Variants in RPL5 observed in about 807,000 individuals in gnomAD.
The protein encoded by RPL5 is large ribosomal subunit protein uL18.
A neutral mutation model predicts 38.4 loss-of-function variants in RPL5; 1 was observed. The ratio of observed to expected loss-of-function variants is 0.03; its 90% CI spans 0.01 to 0.12. RPL5 has a LOEUF of 0.12. RPL5 is among the 10% of genes least tolerant of loss of function. RPL5 has a pLI of 1.00. For missense variants in RPL5, 243 were observed against 374.1 expected, an observed-to-expected ratio of 0.65 and a Z score of 2.89; for synonymous variants, 109 against 121.2, an observed-to-expected ratio of 0.90 and a Z score of 0.66.
intron 5 of RPL5, chr1:92,836,666 A>C: frequency 2.4e-6 from 1 of 422,274 alleles, no homozygotes; most frequent in Non-Finnish European, 4.4e-6. Flanking sequence ...ATATGACTTA[A>C]TTCTTATTAG....
rs754061218 is a variant in RPL5 at position 92,832,098 on chromosome 1, G to T, written c.-17G>T. ...AGGTCTCTGTCGAGCAGCGGACGCCGGTCTCTGTTCCGCAGGATGGTGAGT... is the reference window on the plus strand; with the variant it reads ...AGGTCTCTGTCGAGCAGCGGACGCCTGTCTCTGTTCCGCAGGATGGTGAGT... On this transcript the variant is annotated 5_prime_UTR_variant, in exon 1 of 8. Coordinates refer to ENST00000370321, the MANE Select transcript of RPL5 (RefSeq NM_000969.5). 1 of 1,614,076 alleles carries T rather than the reference G, an allele frequency of 6.2e-7. No homozygotes were observed. The highest frequency in any genetic ancestry group is 1.7e-5 in the Admixed American group (1 of 60,008).
At position 92,836,330 on chromosome 1, in the gene RPL5, T is replaced by A. The variant is rs1687123514; in HGVS notation, c.465T>A (p.Thr155=). Residue 155 remains threonine (T), a synonymous_variant, in exon 5 of 8, where the codon ACT becomes ACA. Coordinates refer to ENST00000370321, the MANE Select transcript of RPL5 (RefSeq NM_000969.5). The stretch of plus-strand genomic sequence containing the variant: ...ATGCAGGCCTTGCCAGAACTACCAC[T>A]GGCAATAAAGTTTTTGGTGCCCTGA... ...YLDAGLARTT[T]GNKVFGALKG... is the part of the protein sequence containing the mutation. 6.2e-7 allele frequency: 1 copy of A among 1,614,070 alleles called. No individual in the cohort carries two copies. The highest frequency in any genetic ancestry group is 1.1e-5 in the South Asian group (1 of 91,086).
chr1:92,832,304 G>A (rs771761614), intron 1 of RPL5, 187 bp downstream of exon 1: 1 of 892,894 alleles, frequency 1.1e-6, no homozygotes, highest in Non-Finnish European at 1.8e-6. Context: ...GCGAACTTGG[G>A]GGGAGGGGTT....
intron 1 of RPL5, chr1:92,832,342 C>T (rs1306369819): frequency 2.9e-6 from 2 of 690,942 alleles, no homozygotes; most frequent in South Asian, 1.6e-5. Flanking sequence ...TGAGCTTGGA[C>T]GGCGGATTGG....
In RPL5 at chr1:92,833,220, G is replaced by A. The variant is rs181631756; in HGVS notation, c.4-169G>A. The stretch of plus-strand genomic sequence containing the variant: ...CTACTAGTCTGTGACATGGAAGGTA[G>A]AGGAAAAAGATTCTTGACCCTAGTT... On this transcript the variant is annotated intron_variant, in intron 1 of 7. Transcript: ENST00000370321. 1,445 of 657,608 alleles carry A rather than the reference G, an allele frequency of 2.2e-3. 4 individuals carry two copies. The highest frequency in any genetic ancestry group is 2.9e-3 in the Non-Finnish European group (1,075 of 364,530). The allele number at this position is 657,608 out of a possible 1,614,324, so 40.7% of individuals were successfully genotyped here.
chr1:92,834,741 A>G, intron 3 of RPL5, 38 bp from the exon 4 acceptor site: 2 of 1,611,404 alleles, frequency 1.2e-6, no homozygotes, highest in South Asian at 2.2e-5. Context: ...AGACAGTGAA[A>G]GCAACAGATT....
chr1:92,836,827 G>A (rs1016556814), intron 5 of RPL5: 4 of 210,788 alleles, frequency 1.9e-5, no homozygotes, highest in African/African-American at 9.4e-5. Flanking sequence ...CTGCAACTAG[G>A]AATAAGATTG....
intron 4 of RPL5, among the ~76,000 whole-genome samples, chr1:92,835,847 A>G (rs912099284): frequency 5.9e-5 from 9 of 152,148 alleles, no homozygotes; most frequent in African/African-American, 1.9e-4. Context: ...GTTGATGACA[A>G]CCCACTCATT....
At chr1:92,840,663 T>G in intron 7 of RPL5, 24 bp downstream of exon 7, 1 of 1,578,392 alleles carries the variant, frequency 6.3e-7, no homozygotes, top group Non-Finnish European at 8.6e-7. Context: ...TTTTTTGTCT[T>G]TTCAAGAAAA....
chr1:92,836,621 T>C (rs1441033707), intron 5 of RPL5: 6 of 543,346 alleles, frequency 1.1e-5, no homozygotes, highest in East Asian at 3.3e-5. Flanking sequence ...GGGCCAGTTA[T>C]TGAAAGAGAT....
intron 4 of RPL5, 118 bp downstream of exon 4, chr1:92,835,031 T>TC (rs1302867479): frequency 1.4e-6 from 2 of 1,434,654 alleles, no homozygotes; most frequent in Non-Finnish European, 1.9e-6. Context: ...AGTGCTTGCT[T>TC]CCAGTTTTCT....
intron 7 of RPL5, 90 bp from the exon 8 acceptor site, chr1:92,841,676 T>TATC (rs983751713): frequency 2.6e-5 from 20 of 775,562 alleles, no homozygotes; most frequent in Admixed American, 1.2e-4. Flanking sequence ...AAATATTCTC[T>TATC]ATCAAAATTA....
At chr1:92,832,181 C>A in intron 1 of RPL5, 64 bp downstream of exon 1, 1 of 1,605,930 alleles carries the variant, frequency 6.2e-7, no homozygotes, top group Non-Finnish European at 8.5e-7. Context: ...TGCCCGTATG[C>A]CAGCCTAGGG....
chr1:92,835,096 G>A, intron 4 of RPL5, 183 bp downstream of exon 4: 1 of 810,000 alleles, frequency 1.2e-6, no homozygotes, highest in Non-Finnish European at 2.0e-6. Flanking sequence ...TTTCTGCAAT[G>A]ACACAAATCT....
At chr1:92,833,107 T>C in intron 1 of RPL5, 1 of 692,780 alleles carries the variant, frequency 1.4e-6, no homozygotes, top group Non-Finnish European at 2.6e-6. Flanking sequence ...ATTTTATACC[T>C]GTTAAATGTA....
rs769428365 is a variant in RPL5, at chr1:92,833,684, CCTTT to C, written c.189+25_189+28del. The C allele has an allele frequency of 3.8e-6, 6 of 1,574,642 alleles. No individual in the cohort carries two copies. The South Asian group carries it at 6.7e-5, about 17-fold the overall frequency. ...AGGTAAGTTGTATTCTAGACAGTCC[CCTTT>C]TTTTATTGCTAGAGAAATTGTGCTT... On this transcript the variant is annotated intron_variant, in intron 3 of 7. Transcript: ENST00000370321.
At position 92,832,070 on chromosome 1, in the gene RPL5, T is replaced by C. The variant is rs756191753; in HGVS notation, c.-45T>C. 3.7e-6 allele frequency: 6 copies of C among 1,613,470 alleles called. No homozygotes were observed. The highest frequency in any genetic ancestry group is 2.2e-5 in the East Asian group (1 of 44,848). Reference sequence around the variant, plus strand: ...TCCCACCCCCTAGCGCCGCTGGGCCTGCAGGTCTCTGTCGAGCAGCGGACG... The same window carrying C: ...TCCCACCCCCTAGCGCCGCTGGGCCCGCAGGTCTCTGTCGAGCAGCGGACG... On this transcript the variant is annotated 5_prime_UTR_variant, in exon 1 of 8. Transcript: ENST00000370321.
rs370270060 is a variant in RPL5, at chr1:92,839,811, CAG to C, written c.706-738_706-737del. ...ACTCAAGAAGTGTGGCTGAATTTCT[CAG>C]AAGTACATGCAGATTTTTCTTTTTG... On this transcript the variant is annotated intron_variant, in intron 6 of 7. Transcript: ENST00000370321. Among the ~76,000 whole-genome samples the C allele has an allele frequency of 1.9e-3, 285 of 152,080 alleles. 3 individuals are homozygous for C. The highest frequency in any genetic ancestry group is 6.2e-3 in the African/African-American group (256 of 41,498).
chr1:92,833,950 G>C (rs1687016601), intron 3 of RPL5: 1 of 391,722 alleles, frequency 2.6e-6, no homozygotes, highest in South Asian at 2.4e-5. Context: ...CACAAAAAAT[G>C]TAAGAAAATT....
Sources: gnomAD v4.1 joint callset for allele counts (sites outside exome capture counted in the v4.1 genomes callset) on GRCh38, gnomAD v4.1.1 for gene constraint, MANE v1.5 for transcripts, NCBI Gene and HGNC (gene_info 2026-07-23, HGNC 2026-07-21) for gene names.